The following OLFM3 variants were observed in gnomAD, a reference collection of about 807,000 sequenced individuals.
The protein encoded by OLFM3 is noelin-3.
Under a neutral mutation model 48.6 loss-of-function variants are expected in OLFM3, and 20 were observed. The observed-to-expected ratio is 0.41, with a 90% confidence interval of 0.29 to 0.60. The LOEUF is 0.60. OLFM3 is among the 20% of genes least tolerant of loss of function. OLFM3 has a pLI of 0.28. For synonymous variants in OLFM3, 222 were observed against 198.1 expected (o/e 1.12, Z -1.01); for missense variants, 437 against 544.3 (o/e 0.80, Z 1.96).
At chr1:101,830,951 T>C (rs924530014) in intron 2 of OLFM3, 124 bp from the exon 3 acceptor site, 52 of 714,014 alleles carry the variant, frequency 7.3e-5, no homozygotes, top group Non-Finnish European at 9.0e-5. Context: ...TGGGTTCCCA[T>C]ATGACACATT....
At chr1:101,954,549 T>C (rs550058180) in intron 1 of OLFM3, among the ~76,000 whole-genome samples, 1 of 152,212 alleles carries the variant, frequency 6.6e-6, no homozygotes, top group African/African-American at 2.4e-5. Context: ...ATAGCTCTTC[T>C]AAGAGGTGTA....
chr1:101,827,773 T>A (rs1468202169), intron 3 of OLFM3, among the ~76,000 whole-genome samples: 1 of 152,186 alleles, frequency 6.6e-6, no homozygotes, highest in Non-Finnish European at 1.5e-5. Flanking sequence ...TGAATTTGAA[T>A]CTTGGTTCTC....
intron 1 of OLFM3, among the ~76,000 whole-genome samples, chr1:101,972,154 T>A (rs749007648): frequency 7.2e-5 from 11 of 152,194 alleles, no homozygotes; most frequent in Non-Finnish European, 1.3e-4. Flanking sequence ...ACTGCTTTCA[T>A]CTTCCTTTGT....
chr1:101,808,795 CG>C (rs1653907782), intron 4 of OLFM3, among the ~76,000 whole-genome samples: 1 of 151,486 alleles, frequency 6.6e-6, no homozygotes, highest in Non-Finnish European at 1.5e-5. Context: ...TATGTATAAC[CG>C]AGGATGGCCA....
chr1:101,857,770 A>C (rs1656489271), intron 1 of OLFM3, among the ~76,000 whole-genome samples: 1 of 151,780 alleles, frequency 6.6e-6, no homozygotes, highest in African/African-American at 2.4e-5. Context: ...TCTGCACTGA[A>C]GTAGGATTTA....
rs145721647 is a variant in OLFM3, at chr1:101,812,709, C to A, written c.593-6527G>T. ...GATACTGCTGAGTCTTAGGTTGTTTCGGCCAAAACTTAGGACAGAATTTGT... is the reference window on the plus strand; with the variant it reads ...GATACTGCTGAGTCTTAGGTTGTTTAGGCCAAAACTTAGGACAGAATTTGT... On this transcript the variant is annotated intron_variant, in intron 4 of 5. Transcript: ENST00000370103. 2.4e-4 allele frequency: 238 copies of A among 986,616 alleles called. No individual in the cohort carries two copies. In the African/African-American group the frequency reaches 3.9e-3, roughly 16 times the overall value. The allele number at this position is 986,616 out of a possible 1,614,324, so 61.1% of individuals were successfully genotyped here.
At chr1:101,895,004 C>A (rs1557720745) in intron 1 of OLFM3, among the ~76,000 whole-genome samples, 1 of 152,066 alleles carries the variant, frequency 6.6e-6, no homozygotes, top group South Asian at 2.1e-4. Context: ...TTTGTATAAA[C>A]AGAATGAATA....
intron 1 of OLFM3, among the ~76,000 whole-genome samples, chr1:101,844,963 G>A (rs543609304): frequency 6.6e-6 from 1 of 152,194 alleles, no homozygotes; most frequent in South Asian, 2.1e-4. Flanking sequence ...GAATCTTAAA[G>A]TATGAGCACT....
intron 1 of OLFM3, among the ~76,000 whole-genome samples, chr1:101,960,263 G>A (rs1660428817): frequency 1.3e-5 from 2 of 152,116 alleles, no homozygotes; most frequent in South Asian, 4.1e-4. Flanking sequence ...CAATTGAGTG[G>A]AAATACTGAC....
intron 1 of OLFM3, among the ~76,000 whole-genome samples, chr1:101,860,462 G>A (rs1656605067): frequency 6.6e-6 from 1 of 151,916 alleles, no homozygotes; most frequent in Admixed American, 6.5e-5. Context: ...GAAGAGATAT[G>A]TTTTTGCAAA....
chr1:101,835,329 G>T (rs1386582858), intron 2 of OLFM3, among the ~76,000 whole-genome samples: 1 of 152,118 alleles, frequency 6.6e-6, no homozygotes, highest in Non-Finnish European at 1.5e-5. Context: ...ATAAACTCAA[G>T]AATAATCATA....
intron 2 of OLFM3, among the ~76,000 whole-genome samples, chr1:101,833,611 G>A (rs1327082183): frequency 1.3e-5 from 2 of 152,056 alleles, no homozygotes; most frequent in Admixed American, 6.6e-5. Context: ...CGCCCTTCCT[G>A]GATAATTCTT....
At chr1:101,878,916 C>A (rs1657406733) in intron 1 of OLFM3, among the ~76,000 whole-genome samples, 2 of 151,866 alleles carry the variant, frequency 1.3e-5, no homozygotes, top group Admixed American at 6.6e-5. Context: ...GTAATCACTG[C>A]CCCTTAGAGA....
Position 101,965,503 on chromosome 1 carries a change from CA to C in OLFM3, c.69+31244del, listed in dbSNP as rs1660584198. On this transcript the variant is annotated intron_variant, in intron 1 of 5. Coordinates refer to ENST00000370103, the MANE Select transcript of OLFM3 (RefSeq NM_058170.4). ...CAGTTATTGTGTAAAATTAGCTATC[CA>C]GATCTTTGAACATCCCACACCATCT... is the stretch of plus-strand genomic sequence containing the variant. Among the ~76,000 whole-genome samples, 4 of 152,104 alleles carry C rather than the reference CA, an allele frequency of 2.6e-5. No individual in the cohort carries two copies. The South Asian group carries it at 8.3e-4, about 32-fold the overall frequency.
At chr1:101,884,857 A>G (rs1279648597) in intron 1 of OLFM3, among the ~76,000 whole-genome samples, 1 of 151,984 alleles carries the variant, frequency 6.6e-6, no homozygotes, top group East Asian at 1.9e-4. Context: ...TGAGTTCAAT[A>G]CCAAAGACCT....
intron 1 of OLFM3, among the ~76,000 whole-genome samples, chr1:101,845,567 T>C (rs1314089502): frequency 1.3e-5 from 2 of 152,206 alleles, no homozygotes; most frequent in Non-Finnish European, 2.9e-5. Context: ...AAAAATTGGC[T>C]CAGTAAATAT....
chr1:101,963,560 T>C (rs189508290), intron 1 of OLFM3, among the ~76,000 whole-genome samples: 34 of 152,256 alleles, frequency 2.2e-4, no homozygotes, highest in African/African-American at 7.9e-4. Flanking sequence ...TTAGGAGAAA[T>C]GTCTCCATCA....
intron 1 of OLFM3, among the ~76,000 whole-genome samples, chr1:101,934,233 G>A (rs1406487240): frequency 6.6e-6 from 1 of 152,136 alleles, no homozygotes; most frequent in Non-Finnish European, 1.5e-5. Flanking sequence ...TCTCTCATGT[G>A]ATGATACTCA....
chr1:101,965,763 G>A (rs969584009), intron 1 of OLFM3, among the ~76,000 whole-genome samples: 3 of 152,136 alleles, frequency 2.0e-5, no homozygotes, highest in Admixed American at 6.5e-5. Flanking sequence ...ATTCTGAAGA[G>A]GCATATATTT....
Sources: gnomAD v4.1 joint callset for allele counts (sites outside exome capture counted in the v4.1 genomes callset) on GRCh38, gnomAD v4.1.1 for gene constraint, MANE v1.5 for transcripts, NCBI Gene and HGNC (gene_info 2026-07-23, HGNC 2026-07-21) for gene names.